The following RASGEF1A variants were observed in gnomAD, a reference collection of about 807,000 sequenced individuals.
RASGEF1A encodes RasGEF domain family member 1A.
Under a neutral mutation model 56.4 loss-of-function variants are expected in RASGEF1A, and 18 were observed. That is an observed-to-expected ratio of 0.32 (90% CI 0.22 to 0.47). The LOEUF is 0.47. RASGEF1A is among the 20% of genes least tolerant of loss of function. The probability of loss-of-function intolerance (pLI) is 1.00; values close to 1 mark genes in which losing one functional copy is unlikely to be tolerated. For synonymous variants in RASGEF1A, 245 were observed against 242.6 expected (o/e 1.01, Z -0.09); for missense variants, 422 against 627.1 (o/e 0.67, Z 3.49).
At chr10:43,199,329 T>C (rs894834826) in intron 7 of RASGEF1A, 135 bp from the exon 8 acceptor site, 9 of 705,434 alleles carry the variant, frequency 1.3e-5, no homozygotes, top group Non-Finnish European at 1.8e-5. Flanking sequence ...TCCAGGTCCA[T>C]GGCTGCGTCT....
chr10:43,215,227 G>T (rs1253554927), intron 1 of RASGEF1A, among the ~76,000 whole-genome samples: 2 of 152,230 alleles, frequency 1.3e-5, no homozygotes, highest in Non-Finnish European at 2.9e-5. Context: ...CCAGGGATCT[G>T]CCAGGAGGTG....
chr10:43,196,181 T>A lies in RASGEF1A; in HGVS notation c.*63A>T, dbSNP rs139599170. On this transcript the variant is annotated 3_prime_UTR_variant, in exon 13 of 13. Coordinates refer to ENST00000395810, the MANE Select transcript of RASGEF1A (RefSeq NM_145313.4). The surrounding 1 kb of genome is among the most constrained non-coding windows in gnomAD (Gnocchi z 4.6). ...TGAGGCCTCCTCATCTCAACCCACATCAGTCAAAATTTAAACCCAGTTAGT... is the reference window on the plus strand; with the variant it reads ...TGAGGCCTCCTCATCTCAACCCACAACAGTCAAAATTTAAACCCAGTTAGT... The A allele has an allele frequency of 4.3e-4, 665 of 1,541,346 alleles. 3 individuals carry two copies. In the African/African-American group the frequency reaches 8.1e-3, roughly 19 times the overall value.
In RASGEF1A at chr10:43,251,652, C is replaced by T. The variant is rs544070084; in HGVS notation, c.-7+15193G>A. ...AGGGGTGGCACAGTCCTGTTAATTG[C>T]GAGCCCTGAGCAGACTGCGAAACGT... On this transcript the variant is annotated intron_variant, in intron 1 of 12. Coordinates refer to ENST00000395810, the MANE Select transcript of RASGEF1A (RefSeq NM_145313.4). 5.3e-5 allele frequency among the ~76,000 whole-genome samples: 8 copies of T among 152,306 alleles called. No individual in the cohort carries two copies. The South Asian group carries it at 1.0e-3, about 20-fold the overall frequency.
At chr10:43,266,542 C>T (rs1336700759) in intron 1 of RASGEF1A, among the ~76,000 whole-genome samples, 6 of 150,978 alleles carry the variant, frequency 4.0e-5, no homozygotes, top group African/African-American at 1.5e-4. Flanking sequence ...GCTCCTGCCA[C>T]GCCCGGCCCG....
At chr10:43,238,531 C>T (rs975242662) in intron 1 of RASGEF1A, among the ~76,000 whole-genome samples, 3 of 152,246 alleles carry the variant, frequency 2.0e-5, no homozygotes, top group Non-Finnish European at 4.4e-5. Flanking sequence ...GCCCCAGCCC[C>T]ATGTCCACAT....
At chr10:43,205,300 G>T (rs1278456781) in intron 2 of RASGEF1A, among the ~76,000 whole-genome samples, 1 of 152,184 alleles carries the variant, frequency 6.6e-6, no homozygotes, top group Non-Finnish European at 1.5e-5. Context: ...CACCCTCCAG[G>T]GGGAGGGAAG....
intron 1 of RASGEF1A, among the ~76,000 whole-genome samples, chr10:43,245,099 A>G (rs1248690685): frequency 6.6e-6 from 1 of 152,208 alleles, no homozygotes; most frequent in Non-Finnish European, 1.5e-5. Context: ...GACTCAAATT[A>G]GTAAAATCAG....
At chr10:43,214,798 G>A (rs565093363) in intron 1 of RASGEF1A, among the ~76,000 whole-genome samples, 2 of 152,334 alleles carry the variant, frequency 1.3e-5, no homozygotes, top group South Asian at 2.1e-4. Flanking sequence ...TGCTTTAAGT[G>A]TGCATCGTTA....
chr10:43,250,725 C>A (rs1840619045), intron 1 of RASGEF1A, among the ~76,000 whole-genome samples: 1 of 152,184 alleles, frequency 6.6e-6, no homozygotes, highest in Non-Finnish European at 1.5e-5. Flanking sequence ...CTCACCTAGC[C>A]CCAAGGTCAG....
intron 1 of RASGEF1A, among the ~76,000 whole-genome samples, chr10:43,254,601 C>A (rs1170133431): frequency 4.6e-5 from 7 of 152,204 alleles, no homozygotes; most frequent in Non-Finnish European, 8.8e-5. Flanking sequence ...GCAGTGACAC[C>A]CGGCCTCTGG....
At chr10:43,248,665 A>G (rs1000826135) in intron 1 of RASGEF1A, among the ~76,000 whole-genome samples, 2 of 152,030 alleles carry the variant, frequency 1.3e-5, no homozygotes, top group Non-Finnish European at 2.9e-5. Flanking sequence ...TTTTTCTTGA[A>G]TGGTGTGTTT....
At chr10:43,222,665 T>G (rs1277141578) in intron 1 of RASGEF1A, among the ~76,000 whole-genome samples, 1 of 152,212 alleles carries the variant, frequency 6.6e-6, no homozygotes, top group African/African-American at 2.4e-5. Context: ...TGTAAAAACC[T>G]GCATAGTAAG....
intron 1 of RASGEF1A, among the ~76,000 whole-genome samples, chr10:43,232,392 T>C (rs1462224779): frequency 6.6e-6 from 1 of 152,058 alleles, no homozygotes; most frequent in Non-Finnish European, 1.5e-5. Context: ...CCCTGAGGCC[T>C]TCCCAGAAGC....
At chr10:43,240,172 G>A (rs574783514) in intron 1 of RASGEF1A, among the ~76,000 whole-genome samples, 8 of 152,342 alleles carry the variant, frequency 5.3e-5, no homozygotes, top group South Asian at 2.1e-4. Flanking sequence ...GCCCCTTAGC[G>A]AAGACTGAGA....
chr10:43,209,545 C>G (rs1317893680), intron 1 of RASGEF1A, among the ~76,000 whole-genome samples: 1 of 152,226 alleles, frequency 6.6e-6, no homozygotes, highest in African/African-American at 2.4e-5. Flanking sequence ...AGGTGCTGGG[C>G]ACCAGGTGCC....
chr10:43,214,845 C>T (rs1258501892), intron 1 of RASGEF1A, among the ~76,000 whole-genome samples: 2 of 152,176 alleles, frequency 1.3e-5, no homozygotes, highest in African/African-American at 4.8e-5. Context: ...CATTCCATGA[C>T]TCATCTCAAT....
At chr10:43,237,717 T>TC (rs1840449433) in intron 1 of RASGEF1A, among the ~76,000 whole-genome samples, 1 of 151,944 alleles carries the variant, frequency 6.6e-6, no homozygotes, top group South Asian at 2.1e-4. Context: ...CCAGGATGCC[T>TC]AGCTGGCTCC....
At position 43,233,698 on chromosome 10, in the gene RASGEF1A, G is replaced by A. The variant is rs74135477; in HGVS notation, c.-6-27576C>T. 1.9e-3 allele frequency among the ~76,000 whole-genome samples: 292 copies of A among 152,328 alleles called. No individual in the cohort carries two copies. In the Middle Eastern group the frequency reaches 0.02, roughly 11 times the overall value. On this transcript the variant is annotated intron_variant, in intron 1 of 12. Coordinates refer to ENST00000395810, the MANE Select transcript of RASGEF1A (RefSeq NM_145313.4). ...AGGGTCAGCTGGTGCAGCCAGGCGG[G>A]AAAACAGCCCGATCATGCCTATGAA... is the stretch of plus-strand genomic sequence containing the variant.
chr10:43,258,001 A>G (rs1836454111), intron 1 of RASGEF1A, among the ~76,000 whole-genome samples: 1 of 152,192 alleles, frequency 6.6e-6, no homozygotes, highest in African/African-American at 2.4e-5. Context: ...TGTTACATTT[A>G]CAGGAGGCTC....
Sources: gnomAD v4.1 joint callset for allele counts (sites outside exome capture counted in the v4.1 genomes callset) on GRCh38, gnomAD v4.1.1 for gene constraint, Gnocchi (gnomAD v3.1) non-coding constraint, MANE v1.5 for transcripts, NCBI Gene and HGNC (gene_info 2026-07-23, HGNC 2026-07-21) for gene names.